Variants in SLC9B1 observed in about 807,000 individuals in gnomAD.
SLC9B1 encodes sodium/hydrogen exchanger 9B1.
In SLC9B1, 32 loss-of-function variants were observed where a neutral mutation model predicts 51.7. The observed-to-expected ratio is 0.62, with a 90% CI of 0.47 to 0.83. SLC9B1 has a LOEUF of 0.83. Ranked by LOEUF, SLC9B1 falls within the 40% of genes least tolerant of loss-of-function variation. SLC9B1 has a pLI of 0.00. For synonymous variants in SLC9B1, 145 were observed against 212.7 expected (o/e 0.68, Z 2.77); for missense variants, 406 against 613.2 (o/e 0.66, Z 3.57).
chr4:102,990,066 A>C (rs1739870785), intron 2 of SLC9B1, 125 bp from the exon 3 acceptor site: 2 of 743,032 alleles, frequency 2.7e-6, no homozygotes, highest in Non-Finnish European at 4.2e-6. Flanking sequence ...TCACAGATAC[A>C]AAAGAAGATT....
intron 3 of SLC9B1, among the ~76,000 whole-genome samples, chr4:102,981,765 A>G (rs1739377237): frequency 6.6e-6 from 1 of 152,160 alleles, no homozygotes; most frequent in Non-Finnish European, 1.5e-5. Context: ...TCTTTATCAA[A>G]TATGTCCTTT....
chr4:103,006,006 A>G (rs1251447430), intron 1 of SLC9B1, among the ~76,000 whole-genome samples: 4 of 152,120 alleles, frequency 2.6e-5, no homozygotes, highest in Admixed American at 2.6e-4. Context: ...AAAGATCTCA[A>G]ATTAACAACC....
chr4:102,910,886 A>G (rs1336023352), intron 8 of SLC9B1, among the ~76,000 whole-genome samples: 1 of 152,204 alleles, frequency 6.6e-6, no homozygotes, highest in East Asian at 1.9e-4. Flanking sequence ...CCAGTTTCAT[A>G]TAACATATCC....
chr4:103,016,359 G>A (rs187026164), intron 1 of SLC9B1, among the ~76,000 whole-genome samples: 1 of 151,696 alleles, frequency 6.6e-6, no homozygotes, highest in Admixed American at 6.6e-5. Context: ...ACCCTTCTTT[G>A]ACCATACATA....
chr4:102,929,908 T>C (rs951161700), intron 7 of SLC9B1, among the ~76,000 whole-genome samples: 2 of 152,184 alleles, frequency 1.3e-5, no homozygotes, highest in Non-Finnish European at 2.9e-5. Context: ...ATTTTCACAA[T>C]TGACAATAAA....
At chr4:103,017,857 G>A (rs1047687093) in intron 1 of SLC9B1, among the ~76,000 whole-genome samples, 4 of 152,048 alleles carry the variant, frequency 2.6e-5, no homozygotes, top group African/African-American at 7.2e-5. Flanking sequence ...CTAAAACAAC[G>A]CCTGACAAAG....
chr4:102,903,487 T>C (rs1041709315), intron 11 of SLC9B1, among the ~76,000 whole-genome samples: 1 of 152,218 alleles, frequency 6.6e-6, no homozygotes, highest in African/African-American at 2.4e-5. Flanking sequence ...ATGAGAACAC[T>C]GAAGGACTGA....
chr4:102,900,734 T>C (rs28367331), downstream of SLC9B1, among the ~76,000 whole-genome samples: 87,664 of 144,580 alleles, frequency 0.61, 26,514 homozygotes, highest in African/African-American at 0.79. Context: ...TTCTACTCCT[T>C]CTATTTGGAA....
In SLC9B1 at chr4:102,984,499, G is replaced by A. The variant is rs145672338; in HGVS notation, c.211+5301C>T. Among the ~76,000 whole-genome samples, 158 of 152,168 alleles carry A rather than the reference G, an allele frequency of 1.0e-3. 2 individuals carry two copies. Among genetic ancestry groups the A allele is most frequent in the Admixed American group, 1.5e-3 (23 of 15,272 alleles). On this transcript the variant is annotated intron_variant, in intron 3 of 11. Coordinates refer to ENST00000296422, the MANE Select transcript of SLC9B1 (RefSeq NM_139173.4). ...GTGTTGTTTAATCTTTAAGTATTTC[G>A]GGATGTTAAAGCTGTTTTTCTGTTA...
chr4:103,000,762 G>A (rs1740478459), intron 1 of SLC9B1, among the ~76,000 whole-genome samples: 1 of 152,200 alleles, frequency 6.6e-6, no homozygotes, highest in South Asian at 2.1e-4. Flanking sequence ...ATGCCTGGCT[G>A]CTTTCACAGC....
intron 6 of SLC9B1, among the ~76,000 whole-genome samples, chr4:102,943,506 T>TATACACACAC (rs1553982064): frequency 2.2e-3 from 314 of 145,586 alleles, no homozygotes; most frequent in Non-Finnish European, 3.6e-3. Context: ...TGTGTATGTA[T>TATACACACAC]ACACACACAC....
intron 6 of SLC9B1, chr4:102,941,533 G>C (rs1470570490): frequency 2.2e-6 from 1 of 452,576 alleles, no homozygotes; most frequent in Non-Finnish European, 4.4e-6. Flanking sequence ...CCAGGTCTTT[G>C]GAAGGCTGAG....
chr4:103,014,574 C>T (rs1189441538), intron 1 of SLC9B1, among the ~76,000 whole-genome samples: 3 of 152,106 alleles, frequency 2.0e-5, no homozygotes, highest in Non-Finnish European at 4.4e-5. Flanking sequence ...CATCTATTTC[C>T]CTACTAAATT....
chr4:102,955,523 G>A (rs1737739323), intron 3 of SLC9B1, among the ~76,000 whole-genome samples: 1 of 152,106 alleles, frequency 6.6e-6, no homozygotes, highest in Non-Finnish European at 1.5e-5. Flanking sequence ...TGGGGGCAGG[G>A]GTGGATTTGG....
intron 3 of SLC9B1, among the ~76,000 whole-genome samples, chr4:102,989,589 AACAT>A (rs1361146302): frequency 2.0e-5 from 3 of 152,014 alleles, no homozygotes; most frequent in Admixed American, 1.3e-4. Flanking sequence ...CAAATATTAA[AACAT>A]ACACCTCCTA....
chr4:102,984,989 G>T (rs1006157797), intron 3 of SLC9B1, among the ~76,000 whole-genome samples: 1 of 152,036 alleles, frequency 6.6e-6, no homozygotes, highest in Non-Finnish European at 1.5e-5. Context: ...CTTGACTCAC[G>T]TATTTTAATA....
At chr4:102,984,378 A>G (rs1036047702) in intron 3 of SLC9B1, among the ~76,000 whole-genome samples, 1 of 152,188 alleles carries the variant, frequency 6.6e-6, no homozygotes, top group African/African-American at 2.4e-5. Flanking sequence ...GGCCTAGCAG[A>G]GTACTGGGAT....
At chr4:102,888,610 T>G (rs1270327527) in intron 11 of SLC9B1, 2 of 152,284 alleles carry the variant, frequency 1.3e-5, no homozygotes, top group East Asian at 3.8e-4. Flanking sequence ...TGAATCTTTT[T>G]AGTTTCATCT....
chr4:103,016,458 C>A (rs1031602380), intron 1 of SLC9B1, among the ~76,000 whole-genome samples: 2 of 152,166 alleles, frequency 1.3e-5, no homozygotes, highest in East Asian at 1.9e-4. Flanking sequence ...GCCCAGCCAG[C>A]AGTACTATGT....
Sources: gnomAD v4.1 joint callset for allele counts (sites outside exome capture counted in the v4.1 genomes callset) on GRCh38, gnomAD v4.1.1 for gene constraint, MANE v1.5 for transcripts, NCBI Gene and HGNC (gene_info 2026-07-23, HGNC 2026-07-21) for gene names.